Variants in PCDH9 observed in about 807,000 individuals in gnomAD.
PCDH9 encodes the protein protocadherin 9.
PCDH9 carries 24 observed loss-of-function variants against 70.6 expected under a neutral mutation model. That is an observed-to-expected ratio of 0.34 (90% CI 0.25 to 0.48). The LOEUF (loss-of-function observed/expected upper bound fraction) is 0.48, where lower values mean the gene tolerates loss of function less well. Ranked by LOEUF, PCDH9 falls within the 20% of genes least tolerant of loss-of-function variation. PCDH9 has a pLI of 0.99. For synonymous variants in PCDH9, 562 were observed against 558.5 expected, an observed-to-expected ratio of 1.01 and a Z score of -0.09; for missense variants, 1,281 against 1,503.6, an observed-to-expected ratio of 0.85 and a Z score of 2.45.
In PCDH9 at chr13:66,610,470, T is replaced by C. The variant is rs189203384; in HGVS notation, c.3340+20740A>G. Among the ~76,000 whole-genome samples the C allele has an allele frequency of 1.6e-4, 25 of 152,258 alleles. No homozygotes were observed. In the Middle Eastern group the frequency reaches 0.01, roughly 62 times the overall value. Reference sequence around the variant, plus strand: ...ACTAAAGCACCAAAAAGCCTTCTGATTGTGCTAGCAAGATATAAAATTGAT... The same window carrying C: ...ACTAAAGCACCAAAAAGCCTTCTGACTGTGCTAGCAAGATATAAAATTGAT... On this transcript the variant is annotated intron_variant, in intron 4 of 4. Coordinates refer to ENST00000377865, the MANE Select transcript of PCDH9 (RefSeq NM_203487.3).
intron 3 of PCDH9, among the ~76,000 whole-genome samples, chr13:66,704,750 G>T (rs1251081282): frequency 6.6e-6 from 1 of 152,108 alleles, no homozygotes; most frequent in African/African-American, 2.4e-5. Flanking sequence ...GACTAGAAAT[G>T]TGTTCTAGAG....
chr13:66,781,127 T>C (rs897621505), intron 3 of PCDH9, among the ~76,000 whole-genome samples: 2 of 152,172 alleles, frequency 1.3e-5, no homozygotes, highest in African/African-American at 4.8e-5. Flanking sequence ...AAAGGAATAA[T>C]AAAAATAGAT....
chr13:67,208,125 A>G (rs2089394294), intron 2 of PCDH9: 1 of 152,192 alleles, frequency 6.6e-6, no homozygotes, highest in Non-Finnish European at 1.5e-5. Context: ...ACAATGCTCT[A>G]TGAACTCACA....
chr13:66,769,929 A>G (rs2079779964), intron 3 of PCDH9, among the ~76,000 whole-genome samples: 1 of 152,118 alleles, frequency 6.6e-6, no homozygotes, highest in East Asian at 1.9e-4. Flanking sequence ...GGAGGGGATA[A>G]TTTCTTTTTG....
intron 3 of PCDH9, among the ~76,000 whole-genome samples, chr13:66,778,974 C>T (rs1005693677): frequency 8.5e-5 from 13 of 152,236 alleles, no homozygotes; most frequent in Non-Finnish European, 1.6e-4. Flanking sequence ...TTCACATTTT[C>T]TCATATTCAT....
chr13:67,118,957 T>G (rs2086829105), intron 2 of PCDH9, among the ~76,000 whole-genome samples: 1 of 152,194 alleles, frequency 6.6e-6, no homozygotes, highest in Admixed American at 6.5e-5. Context: ...CATATGAGCA[T>G]TAATTTAGTT....
At chr13:67,132,352 C>T (rs2087129560) in intron 2 of PCDH9, among the ~76,000 whole-genome samples, 1 of 152,102 alleles carries the variant, frequency 6.6e-6, no homozygotes, top group South Asian at 2.1e-4. Flanking sequence ...GCATCTTCCC[C>T]CATGCCTGTT....
chr13:67,201,010 C>T (rs1484773083), intron 2 of PCDH9: 1 of 152,016 alleles, frequency 6.6e-6, no homozygotes, highest in Non-Finnish European at 1.5e-5. Flanking sequence ...AAAGTCTCAA[C>T]ACTGTACAAA....
At position 66,697,028 on chromosome 13, in the gene PCDH9, T is replaced by C. The variant is rs560760544; in HGVS notation, c.3139-65617A>G. ...AGGGAGGATTGCTTGAGCTCAGGAG[T>C]TTGTGGCTGCAGTGAGCCATGATCA... On this transcript the variant is annotated intron_variant, in intron 3 of 4. Coordinates refer to ENST00000377865, the MANE Select transcript of PCDH9 (RefSeq NM_203487.3). Among the ~76,000 whole-genome samples the C allele has an allele frequency of 2.6e-5, 4 of 151,772 alleles. No individual in the cohort carries two copies. In the East Asian group the frequency reaches 5.8e-4, roughly 22 times the overall value.
At chr13:66,508,389 A>G (rs1315161874) in intron 4 of PCDH9, among the ~76,000 whole-genome samples, 2 of 152,212 alleles carry the variant, frequency 1.3e-5, no homozygotes, top group Non-Finnish European at 2.9e-5. Context: ...TGTTCACCTT[A>G]AAATGATTGA....
chr13:66,926,775 A>AT (rs2082724206), intron 2 of PCDH9, among the ~76,000 whole-genome samples: 1 of 152,108 alleles, frequency 6.6e-6, no homozygotes, highest in Admixed American at 6.6e-5. Context: ...ACACACTACA[A>AT]TTTTTTGTGT....
intron 3 of PCDH9, among the ~76,000 whole-genome samples, chr13:66,693,592 T>C (rs2078518261): frequency 6.6e-6 from 1 of 152,174 alleles, no homozygotes; most frequent in Non-Finnish European, 1.5e-5. Flanking sequence ...TTGTCAATTG[T>C]TTACATGTCC....
At chr13:67,180,561 A>T (rs551987333) in intron 2 of PCDH9, among the ~76,000 whole-genome samples, 1 of 152,184 alleles carries the variant, frequency 6.6e-6, no homozygotes, top group East Asian at 1.9e-4. Context: ...TTTGTTATTG[A>T]TTTTTGGATT....
At chr13:66,921,896 G>C (rs1566294583) in intron 2 of PCDH9, among the ~76,000 whole-genome samples, 2 of 151,242 alleles carry the variant, frequency 1.3e-5, no homozygotes, top group South Asian at 2.1e-4. Flanking sequence ...GTCATTAGTA[G>C]CTGATTTCAC....
At chr13:67,059,408 T>C (rs2085492480) in intron 2 of PCDH9, among the ~76,000 whole-genome samples, 1 of 147,232 alleles carries the variant, frequency 6.8e-6, no homozygotes, top group South Asian at 2.1e-4. Context: ...ATAGTGTATA[T>C]ATATGGTATA....
intron 2 of PCDH9, among the ~76,000 whole-genome samples, chr13:67,095,422 C>T (rs2086300377): frequency 1.3e-5 from 2 of 152,108 alleles, no homozygotes. Context: ...TTATCAGGGT[C>T]AGTTCATACG....
At chr13:66,861,272 G>A (rs574717271) in intron 3 of PCDH9, among the ~76,000 whole-genome samples, 1 of 152,152 alleles carries the variant, frequency 6.6e-6, no homozygotes. Flanking sequence ...TCACATGGAG[G>A]GCCCTTGGGA....
At chr13:66,645,708 A>G (rs2138976062) in intron 3 of PCDH9, among the ~76,000 whole-genome samples, 1 of 152,298 alleles carries the variant, frequency 6.6e-6, no homozygotes, top group Non-Finnish European at 1.5e-5. Context: ...TTCAACAAAC[A>G]TTGTTGATCA....
At chr13:66,435,128 T>C (rs1043111322) in intron 4 of PCDH9, among the ~76,000 whole-genome samples, 2 of 152,038 alleles carry the variant, frequency 1.3e-5, no homozygotes, top group Admixed American at 1.3e-4. Flanking sequence ...CTGTAACCCA[T>C]GATATGGTGG....
Sources: gnomAD v4.1 joint callset for allele counts (sites outside exome capture counted in the v4.1 genomes callset) on GRCh38, gnomAD v4.1.1 for gene constraint, MANE v1.5 for transcripts, NCBI Gene and HGNC (gene_info 2026-07-23, HGNC 2026-07-21) for gene names.